The following ADGRF5 variants were observed in gnomAD, a reference collection of about 807,000 sequenced individuals.
ADGRF5 encodes adhesion G protein-coupled receptor F5.
Under a neutral mutation model 132.3 loss-of-function variants are expected in ADGRF5, and 75 were observed. The observed-to-expected ratio is 0.57, with a 90% CI of 0.47 to 0.69. The LOEUF (loss-of-function observed/expected upper bound fraction) is 0.69, where lower values mean the gene tolerates loss of function less well. Among genes scored for constraint, ADGRF5 ranks in the 30% least tolerant of loss-of-function variants. The pLI is 0.00. For missense variants in ADGRF5, 1,516 were observed against 1,630.6 expected, an observed-to-expected ratio of 0.93 and a Z score of 1.21; for synonymous variants, 629 against 597.6, an observed-to-expected ratio of 1.05 and a Z score of -0.77.
intron 11 of ADGRF5, among the ~76,000 whole-genome samples, chr6:46,871,056 A>C (rs1314740041): frequency 6.6e-6 from 1 of 151,600 alleles, no homozygotes; most frequent in Non-Finnish European, 1.5e-5. Flanking sequence ...TGATCTTTGT[A>C]AAAATGCTAA....
At chr6:46,860,665 G>A (rs1769631831) in intron 16 of ADGRF5, 50 bp downstream of exon 16, 8 of 1,313,992 alleles carry the variant, frequency 6.1e-6, no homozygotes, top group Non-Finnish European at 8.7e-6. Context: ...CAAATTCTGA[G>A]GGGTGAAAAG....
chr6:46,920,534 G>GGC, intron 1 of ADGRF5, among the ~76,000 whole-genome samples: 1 of 100,868 alleles, frequency 9.9e-6, no homozygotes. Flanking sequence ...TTTGGGGGGG[G>GGC]GGAAGAGAGT....
intron 1 of ADGRF5, among the ~76,000 whole-genome samples, chr6:46,947,860 G>A (rs1442258403): frequency 6.6e-6 from 1 of 152,172 alleles, no homozygotes; most frequent in Non-Finnish European, 1.5e-5. Context: ...TGCCAGCAGA[G>A]GCCAACAACC....
rs534195970 is a variant in ADGRF5, at chr6:46,869,205, T to A, written c.1412-113A>T. 9.3e-6 allele frequency: 14 copies of A among 1,505,794 alleles called. No individual in the cohort carries two copies. In the African/African-American group the frequency reaches 2.0e-4, roughly 21 times the overall value. The allele number at this position is 1,505,794 out of a possible 1,614,324, so 93.3% of individuals were successfully genotyped here. On this transcript the variant is annotated intron_variant, in intron 11 of 20. Transcript: ENST00000283296. ...TTCAGAGAGGGACAGAAAAAAAAAATGAACCATCCTGACTCTACTCATGTC... is the reference window on the plus strand; with the variant it reads ...TTCAGAGAGGGACAGAAAAAAAAAAAGAACCATCCTGACTCTACTCATGTC...
At chr6:46,921,562 C>T (rs993283646) in intron 1 of ADGRF5, among the ~76,000 whole-genome samples, 151 bp downstream of exon 1, 2 of 152,170 alleles carry the variant, frequency 1.3e-5, no homozygotes, top group Admixed American at 1.3e-4. Flanking sequence ...ACTTAACTTT[C>T]CCAACATACA....
Position 46,859,065 on chromosome 6 carries a change from G to A in ADGRF5, c.2838C>T (p.Ser946=). ...FRISMTFKNN[S]PSGGETKCVF... ...CACACTTCGTTTCGCCGCCTGAAGGGCTATTGTTCTTAAAAGTCATTGAAA... is the reference window on the plus strand; with the variant it reads ...CACACTTCGTTTCGCCGCCTGAAGGACTATTGTTCTTAAAAGTCATTGAAA... Residue 946 remains serine, a synonymous_variant, in exon 17 of 21, where the codon AGC becomes AGT. Transcript: ENST00000283296. The A allele has an allele frequency of 6.2e-7, 1 of 1,614,050 alleles. No individual in the cohort carries two copies. The highest frequency in any genetic ancestry group is 8.5e-7 in the Non-Finnish European group (1 of 1,179,914).
chr6:46,888,069 A>C, intron 4 of ADGRF5: 1 of 301,144 alleles, frequency 3.3e-6, no homozygotes, highest in Non-Finnish European at 5.8e-6. Context: ...GGACCTGGCC[A>C]TATCTTGGGA....
intron 10 of ADGRF5, among the ~76,000 whole-genome samples, chr6:46,874,116 G>A (rs1162324293): frequency 1.3e-5 from 2 of 152,172 alleles, no homozygotes; most frequent in Non-Finnish European, 1.5e-5. Context: ...ACCATCTGAT[G>A]TCCCTCTTTT....
chr6:46,904,089 G>A (rs1043986744), intron 2 of ADGRF5, among the ~76,000 whole-genome samples: 10 of 152,302 alleles, frequency 6.6e-5, no homozygotes, highest in East Asian at 1.9e-4. Context: ...ATCCAGGGCA[G>A]CATGTCTGAA....
chr6:46,876,426 C>T (rs887483823), intron 10 of ADGRF5, among the ~76,000 whole-genome samples: 2 of 152,216 alleles, frequency 1.3e-5, no homozygotes, highest in Non-Finnish European at 2.9e-5. Context: ...TTCAGGATAC[C>T]TACACCTCCT....
chr6:46,877,378 T>TTTC (rs202157026), intron 10 of ADGRF5, among the ~76,000 whole-genome samples: 5,006 of 51,134 alleles, frequency 0.098, 440 homozygotes, highest in Middle Eastern at 0.13. Flanking sequence ...TCTTTCTTTC[T>TTTC]TTCTTTCTTC....
intron 10 of ADGRF5, among the ~76,000 whole-genome samples, chr6:46,873,333 C>G (rs1295503980): frequency 1.3e-5 from 2 of 152,140 alleles, no homozygotes; most frequent in Non-Finnish European, 2.9e-5. Flanking sequence ...CTCATCAAGT[C>G]TTTGCGATTG....
chr6:46,917,069 A>G (rs1391773324), intron 1 of ADGRF5, among the ~76,000 whole-genome samples: 1 of 152,248 alleles, frequency 6.6e-6, no homozygotes, highest in African/African-American at 2.4e-5. Flanking sequence ...TGTGTGTCAG[A>G]CACTTGCCAT....
intron 2 of ADGRF5, among the ~76,000 whole-genome samples, chr6:46,902,081 C>T (rs1037007316): frequency 9.8e-5 from 15 of 152,310 alleles, no homozygotes; most frequent in Admixed American, 7.8e-4. Flanking sequence ...CCAGTTGCTG[C>T]TTTATTTGCA....
chr6:46,926,948 T>A (rs1211228481), intron 1 of ADGRF5, among the ~76,000 whole-genome samples: 1 of 152,082 alleles, frequency 6.6e-6, no homozygotes. Context: ...TTTACGTACA[T>A]CCTGGGTGCG....
At chr6:46,877,356 T>C in intron 10 of ADGRF5, among the ~76,000 whole-genome samples, 1 of 53,200 alleles carries the variant, frequency 1.9e-5, no homozygotes, top group African/African-American at 5.1e-5. Flanking sequence ...TTTCTTTCTT[T>C]CTTTCTTTCT....
chr6:46,888,188 G>A (rs1773251821), intron 4 of ADGRF5, 147 bp downstream of exon 4: 1 of 612,384 alleles, frequency 1.6e-6, no homozygotes, highest in Non-Finnish European at 2.9e-6. Context: ...ATTCAGGAAG[G>A]CTGTGAAGTC....
intron 7 of ADGRF5, 65 bp downstream of exon 7, chr6:46,881,984 A>G (rs901852917): frequency 2.6e-6 from 3 of 1,150,232 alleles, no homozygotes; most frequent in Admixed American, 1.7e-5. Flanking sequence ...TAGGGGGTTT[A>G]CCTCCTTCAC....
At chr6:46,941,191 A>T (rs1274093361) in intron 1 of ADGRF5, among the ~76,000 whole-genome samples, 2 of 151,974 alleles carry the variant, frequency 1.3e-5, no homozygotes, top group Non-Finnish European at 2.9e-5. Context: ...AAAGCCAGGC[A>T]TAGTGGCAAG....
Sources: gnomAD v4.1 joint callset for allele counts (sites outside exome capture counted in the v4.1 genomes callset) on GRCh38, gnomAD v4.1.1 for gene constraint, MANE v1.5 for transcripts, NCBI Gene and HGNC (gene_info 2026-07-23, HGNC 2026-07-21) for gene names.